The following ZNF804A variants were observed in gnomAD, a reference collection of about 807,000 sequenced individuals.
The protein encoded by ZNF804A is zinc finger protein 804A.
A neutral mutation model predicts 16.5 loss-of-function variants in ZNF804A; 2 were observed. The ratio of observed to expected loss-of-function variants is 0.12; its 90% confidence interval spans 0.05 to 0.38. ZNF804A has a LOEUF of 0.38. ZNF804A is among the 10% of genes least tolerant of loss of function. The pLI is 0.99. For synonymous variants in ZNF804A, 534 were observed against 489.6 expected, an observed-to-expected ratio of 1.09 and a Z score of -1.20; for missense variants, 1,473 against 1,390.7, an observed-to-expected ratio of 1.06 and a Z score of -0.94.
chr2:184,794,166 G>T (rs1416475306), intron 1 of ZNF804A, among the ~76,000 whole-genome samples: 4 of 152,122 alleles, frequency 2.6e-5, no homozygotes. Flanking sequence ...CATAGCGGTT[G>T]TACTAGTTTC....
At chr2:184,720,655 A>G (rs763371147) in intron 1 of ZNF804A, among the ~76,000 whole-genome samples, 2 of 152,210 alleles carry the variant, frequency 1.3e-5, no homozygotes, top group Non-Finnish European at 2.9e-5. Context: ...ATCAGAAGAA[A>G]TAAAACCATT....
In ZNF804A at chr2:184,852,229, TTCTCTCTCTCTCTC is replaced by T. The variant is rs10618125; in HGVS notation, c.112-14120_112-14107del. Among the ~76,000 whole-genome samples the T allele has an allele frequency of 3.4e-4, 46 of 134,748 alleles. No individual in the cohort carries two copies. The East Asian group carries it at 4.9e-3, about 14-fold the overall frequency. The allele number at this position is 134,748 out of a possible 152,430, so 88.4% of individuals were successfully genotyped here. On this transcript the variant is annotated intron_variant, in intron 1 of 3. Transcript: ENST00000302277. ...TAAAAGTTATGTGAATGCGGTCTCT[TTCTCTCTCTCTCTC>T]TCTCTCTCTCTCTCTCTCTATCTCT...
chr2:184,881,480 T>C (rs1243070984), intron 2 of ZNF804A, among the ~76,000 whole-genome samples: 3 of 151,976 alleles, frequency 2.0e-5, no homozygotes, highest in Non-Finnish European at 2.9e-5. Flanking sequence ...TTCTCCAAGG[T>C]TAAAATGAAA....
chr2:184,627,396 C>T (rs1014517294), intron 1 of ZNF804A, among the ~76,000 whole-genome samples: 11 of 151,944 alleles, frequency 7.2e-5, no homozygotes, highest in African/African-American at 1.9e-4. Flanking sequence ...TAATTTGTGC[C>T]TGAAAAGTTC....
chr2:184,860,160 C>A (rs182018780), intron 1 of ZNF804A, among the ~76,000 whole-genome samples: 2 of 152,184 alleles, frequency 1.3e-5, no homozygotes, highest in Non-Finnish European at 2.9e-5. Context: ...TTGGGTCCTC[C>A]GGAGTCCAGG....
At chr2:184,723,094 T>C (rs1693346084) in intron 1 of ZNF804A, among the ~76,000 whole-genome samples, 1 of 151,892 alleles carries the variant, frequency 6.6e-6, no homozygotes, top group South Asian at 2.1e-4. Flanking sequence ...GGATAATCTG[T>C]TAAATAACCC....
intron 2 of ZNF804A, among the ~76,000 whole-genome samples, chr2:184,882,824 T>TA (rs1257391626): frequency 2.0e-5 from 3 of 151,756 alleles, no homozygotes; most frequent in African/African-American, 7.3e-5. Context: ...ATATCCACAT[T>TA]AAAAAACTAG....
chr2:184,851,952 G>A (rs1010261247), intron 1 of ZNF804A, among the ~76,000 whole-genome samples: 7 of 151,350 alleles, frequency 4.6e-5, no homozygotes, highest in African/African-American at 1.7e-4. Context: ...TGAGCATTTT[G>A]TTTCATATAT....
chr2:184,903,627 C>G (rs1192615821), intron 2 of ZNF804A, among the ~76,000 whole-genome samples: 1 of 152,144 alleles, frequency 6.6e-6, no homozygotes, highest in Non-Finnish European at 1.5e-5. Context: ...TGCTCCTACT[C>G]TAAACCAGAA....
At chr2:184,721,931 A>G (rs1224725967) in intron 1 of ZNF804A, among the ~76,000 whole-genome samples, 2 of 152,118 alleles carry the variant, frequency 1.3e-5, no homozygotes, top group African/African-American at 4.8e-5. Flanking sequence ...TGTCATTTGC[A>G]GCAACATGAG....
chr2:184,916,171 C>G (rs1208170447), intron 2 of ZNF804A, among the ~76,000 whole-genome samples: 2 of 152,022 alleles, frequency 1.3e-5, no homozygotes, highest in African/African-American at 2.4e-5. Flanking sequence ...ACAGAAACAA[C>G]TCTCTGGAAT....
At chr2:184,654,091 G>A (rs1418161531) in intron 1 of ZNF804A, among the ~76,000 whole-genome samples, 3 of 152,264 alleles carry the variant, frequency 2.0e-5, no homozygotes, top group Admixed American at 6.5e-5. Context: ...GCCCAATCCT[G>A]CCCTGCTTAT....
At chr2:184,798,385 G>A (rs1183146696) in intron 1 of ZNF804A, among the ~76,000 whole-genome samples, 1 of 151,538 alleles carries the variant, frequency 6.6e-6, no homozygotes, top group Non-Finnish European at 1.5e-5. Flanking sequence ...TTATTCATAA[G>A]TTTGGTCATT....
chr2:184,816,325 C>T (rs13408744), intron 1 of ZNF804A, among the ~76,000 whole-genome samples: 50,664 of 151,784 alleles, frequency 0.33, 11,824 homozygotes, highest in African/African-American at 0.66. Context: ...AATTCTTTTA[C>T]TTGGAATACA....
chr2:184,835,854 CT>C (rs997806233), intron 1 of ZNF804A, among the ~76,000 whole-genome samples: 2 of 152,004 alleles, frequency 1.3e-5, no homozygotes, highest in African/African-American at 4.8e-5. Flanking sequence ...TGGAAAAGCA[CT>C]CAAGAAATTA....
intron 1 of ZNF804A, among the ~76,000 whole-genome samples, chr2:184,866,026 G>T (rs553462212): frequency 8.5e-5 from 13 of 152,164 alleles, no homozygotes; most frequent in Admixed American, 4.6e-4. Flanking sequence ...CTGAGTCATT[G>T]CCAGGAATCC....
intron 1 of ZNF804A, among the ~76,000 whole-genome samples, chr2:184,743,316 A>G (rs1416448843): frequency 6.6e-6 from 1 of 152,050 alleles, no homozygotes; most frequent in Non-Finnish European, 1.5e-5. Context: ...ACTCTATTTC[A>G]AGAATTATTG....
chr2:184,617,246 G>T (rs1691339479), intron 1 of ZNF804A, among the ~76,000 whole-genome samples: 1 of 152,114 alleles, frequency 6.6e-6, no homozygotes, highest in South Asian at 2.1e-4. Context: ...AGCTTCATGA[G>T]AAAATTTAGT....
intron 2 of ZNF804A, among the ~76,000 whole-genome samples, chr2:184,911,127 A>C (rs1685349945): frequency 6.6e-6 from 1 of 151,990 alleles, no homozygotes; most frequent in African/African-American, 2.4e-5. Context: ...TCTTTAATAA[A>C]TCTTGAATTA....
Sources: allele counts gnomAD v4.1 joint callset (sites outside exome capture counted in the v4.1 genomes callset), GRCh38; gene constraint gnomAD v4.1.1; transcripts MANE v1.5; gene names NCBI Gene and HGNC (gene_info 2026-07-23, HGNC 2026-07-21).